VAT1L: variants seen among roughly 807,000 people sequenced by gnomAD.
VAT1L encodes vesicle amine transport 1 like.
A neutral mutation model predicts 44.1 loss-of-function variants in VAT1L; 34 were observed. The ratio of observed to expected loss-of-function variants is 0.77; its 90% CI spans 0.59 to 1.03. The LOEUF is 1.03. Among genes scored for constraint, VAT1L ranks in the 50% least tolerant of loss-of-function variants. The pLI is 0.00. For missense variants in VAT1L, 615 were observed against 538.8 expected (o/e 1.14, Z -1.40); for synonymous variants, 253 against 202.2 (o/e 1.25, Z -2.13).
chr16:77,955,285 G>C (rs2018090102), intron 7 of VAT1L, among the ~76,000 whole-genome samples: 1 of 152,168 alleles, frequency 6.6e-6, no homozygotes, highest in Admixed American at 6.5e-5. Context: ...AAGCATTTTT[G>C]TTTGTCACAA....
At chr16:77,931,763 T>C (rs1223020404) in intron 7 of VAT1L, among the ~76,000 whole-genome samples, 1 of 152,200 alleles carries the variant, frequency 6.6e-6, no homozygotes, top group Non-Finnish European at 1.5e-5. Flanking sequence ...TGGAAAAATA[T>C]ATATTGATCT....
At chr16:77,842,541 G>T (rs1181471738) in intron 3 of VAT1L, among the ~76,000 whole-genome samples, 3 of 152,154 alleles carry the variant, frequency 2.0e-5, no homozygotes, top group African/African-American at 7.2e-5. Flanking sequence ...TCTTAAATAG[G>T]AGTTTTCTAG....
intron 7 of VAT1L, among the ~76,000 whole-genome samples, chr16:77,911,524 T>A (rs371121430): frequency 2.6e-5 from 4 of 152,314 alleles, no homozygotes; most frequent in East Asian, 1.9e-4. Flanking sequence ...CAAGAGGATA[T>A]AGGCCTATCC....
At chr16:77,821,252 T>C (rs763823426) in intron 2 of VAT1L, among the ~76,000 whole-genome samples, 2 of 151,904 alleles carry the variant, frequency 1.3e-5, no homozygotes, top group Non-Finnish European at 2.9e-5. Flanking sequence ...TCTGCATAAT[T>C]ATGAAGGATT....
intron 3 of VAT1L, among the ~76,000 whole-genome samples, chr16:77,853,499 A>T (rs2016826920): frequency 6.6e-6 from 1 of 152,220 alleles, no homozygotes; most frequent in Non-Finnish European, 1.5e-5. Flanking sequence ...CCTGATTATC[A>T]GATACTGTGA....
chr16:77,925,606 A>T (rs1313802631), intron 7 of VAT1L, among the ~76,000 whole-genome samples: 1 of 152,234 alleles, frequency 6.6e-6, no homozygotes, highest in Non-Finnish European at 1.5e-5. Flanking sequence ...AAATGAACTC[A>T]GCAGGAGATG....
intron 7 of VAT1L, among the ~76,000 whole-genome samples, chr16:77,903,280 T>A (rs2017404012): frequency 6.6e-6 from 1 of 152,210 alleles, no homozygotes; most frequent in Non-Finnish European, 1.5e-5. Flanking sequence ...CCCCCCGCTA[T>A]GTAAGCTCTA....
At chr16:77,958,951 G>T (rs576724066) in intron 7 of VAT1L, among the ~76,000 whole-genome samples, 4 of 152,280 alleles carry the variant, frequency 2.6e-5, no homozygotes, top group Non-Finnish European at 5.9e-5. Flanking sequence ...CTGGTTGAAT[G>T]TTTCTCCCAT....
At chr16:77,842,179 G>T (rs956116970) in intron 3 of VAT1L, among the ~76,000 whole-genome samples, 1 of 152,158 alleles carries the variant, frequency 6.6e-6, no homozygotes, top group Non-Finnish European at 1.5e-5. Context: ...GAGCCACCGC[G>T]CCCAGTCTAC....
chr16:77,915,300 A>G (rs389762), intron 7 of VAT1L, among the ~76,000 whole-genome samples: 21,003 of 152,252 alleles, frequency 0.14, 1,592 homozygotes, highest in East Asian at 0.23. Flanking sequence ...TGTACTACAC[A>G]TCCTCTATGT....
At chr16:77,876,704 C>A (rs184853840) in intron 5 of VAT1L, among the ~76,000 whole-genome samples, 7 of 152,182 alleles carry the variant, frequency 4.6e-5, no homozygotes, top group African/African-American at 1.7e-4. Context: ...AAAGCAAGAC[C>A]AAGCCAATGT....
Position 77,979,805 on chromosome 16 carries a change from T to G in VAT1L, c.*2110T>G, listed in dbSNP as rs916646445. Reference sequence around the variant, plus strand: ...AATACAGAACGAGAAAACTAGAGTTTGACCAATAAGACCAATTTCTGCCAT... The same window carrying G: ...AATACAGAACGAGAAAACTAGAGTTGGACCAATAAGACCAATTTCTGCCAT... On this transcript the variant is annotated 3_prime_UTR_variant, in exon 9 of 9. Coordinates refer to ENST00000302536, the MANE Select transcript of VAT1L (RefSeq NM_020927.3). The G allele has an allele frequency of 2.0e-5, 3 of 152,654 alleles. No individual in the cohort carries two copies. Among genetic ancestry groups the G allele is most frequent in the Non-Finnish European group, 2.9e-5 (2 of 68,042 alleles). The allele number at this position is 152,654 out of a possible 1,614,324, so 9.5% of individuals were successfully genotyped here. A position where few individuals can be genotyped will look rare whatever the true frequency, so the allele number is the denominator to read the frequency against.
At chr16:77,941,227 G>A (rs2017879256) in intron 7 of VAT1L, among the ~76,000 whole-genome samples, 1 of 152,148 alleles carries the variant, frequency 6.6e-6, no homozygotes, top group Admixed American at 6.5e-5. Context: ...GCTTCTTGTG[G>A]GACATGCTAG....
intron 7 of VAT1L, among the ~76,000 whole-genome samples, chr16:77,921,390 C>T (rs1057406515): frequency 1.3e-5 from 2 of 152,154 alleles, no homozygotes; most frequent in Non-Finnish European, 2.9e-5. Flanking sequence ...ATAACTTTAT[C>T]CATGGAAGTG....
chr16:77,879,078 C>A lies in VAT1L; in HGVS notation c.827-91C>A. 1 of 1,336,214 alleles carries A rather than the reference C, an allele frequency of 7.5e-7. No individual in the cohort carries two copies. The highest frequency in any genetic ancestry group is 1.2e-5 in the South Asian group (1 of 82,896). The allele number at this position is 1,336,214 out of a possible 1,614,324, so 82.8% of individuals were successfully genotyped here. A position where few individuals can be genotyped will look rare whatever the true frequency, so the allele number is the denominator to read the frequency against. ...ATTTGTTTTCAAGATTTCTCCAGTT[C>A]CGGACCAAACAATTGCCATTTTTTT... On this transcript the variant is annotated intron_variant, in intron 5 of 8. Transcript: ENST00000302536. The surrounding 1 kb of genome is among the most constrained non-coding windows in gnomAD (Gnocchi z 4.1).
intron 7 of VAT1L, among the ~76,000 whole-genome samples, chr16:77,958,524 A>T (rs1259427446): frequency 6.6e-6 from 1 of 152,108 alleles, no homozygotes; most frequent in African/African-American, 2.4e-5. Context: ...AACCACCCAA[A>T]TCCAGCACTG....
chr16:77,876,766 A>G (rs765936881), intron 5 of VAT1L, among the ~76,000 whole-genome samples: 1 of 152,228 alleles, frequency 6.6e-6, no homozygotes, highest in Non-Finnish European at 1.5e-5. Context: ...AGAAGGTAGC[A>G]CAGGTGGAAA....
intron 7 of VAT1L, among the ~76,000 whole-genome samples, chr16:77,944,790 G>C (rs778563550): frequency 1.3e-5 from 2 of 152,070 alleles, no homozygotes; most frequent in African/African-American, 2.4e-5. Flanking sequence ...GTTGTGGGTG[G>C]CTGAGAGGCA....
intron 7 of VAT1L, among the ~76,000 whole-genome samples, chr16:77,921,747 C>A (rs2017613999): frequency 6.6e-6 from 1 of 152,018 alleles, no homozygotes; most frequent in Non-Finnish European, 1.5e-5. Flanking sequence ...AACTTGTACA[C>A]TTTTTTTTCT....
Sources: allele counts gnomAD v4.1 joint callset (sites outside exome capture counted in the v4.1 genomes callset), GRCh38; gene constraint gnomAD v4.1.1; non-coding constraint Gnocchi (gnomAD v3.1); transcripts MANE v1.5; gene names NCBI Gene and HGNC (gene_info 2026-07-23, HGNC 2026-07-21).